Variants in NSD1 observed in about 807,000 individuals in gnomAD.
The protein encoded by NSD1 is nuclear receptor binding SET domain protein 1, also known as histone-lysine N-methyltransferase, H3 lysine-36 specific.
In NSD1, 26 loss-of-function variants were observed where a neutral mutation model predicts 242.7. That is an observed-to-expected ratio of 0.11 (90% CI 0.08 to 0.15). The LOEUF (loss-of-function observed/expected upper bound fraction) is 0.15, where lower values mean the gene tolerates loss of function less well. Ranked by LOEUF, NSD1 falls within the 10% of genes least tolerant of loss-of-function variation. The pLI is 1.00. For missense variants in NSD1, 2,495 were observed against 3,272.8 expected, an observed-to-expected ratio of 0.76 and a Z score of 5.80; for synonymous variants, 1,106 against 1,178.1, an observed-to-expected ratio of 0.94 and a Z score of 1.25.
Position 177,247,201 on chromosome 5 carries a change from G to A in NSD1, c.4497+405G>A, listed in dbSNP as rs563075572. ...TCCCAACACTTTGGGAGGCCGAGGC[G>A]GGAAGATAACTTGAGGTTGAGAGTT... is the stretch of plus-strand genomic sequence containing the variant. On this transcript the variant is annotated intron_variant, in intron 10 of 22. Transcript: ENST00000439151. Among the ~76,000 whole-genome samples the A allele has an allele frequency of 4.6e-5, 7 of 152,312 alleles. No homozygotes were observed. The South Asian group carries it at 8.3e-4, about 18-fold the overall frequency.
chr5:177,243,767 A>G (rs1490503280), intron 8 of NSD1, among the ~76,000 whole-genome samples: 2 of 151,942 alleles, frequency 1.3e-5, no homozygotes, highest in African/African-American at 2.4e-5. Context: ...ATCTTGGCTC[A>G]CTGCAACCTC....
intron 2 of NSD1, among the ~76,000 whole-genome samples, chr5:177,162,512 C>G (rs1052441180): frequency 1.7e-4 from 26 of 152,060 alleles, no homozygotes; most frequent in Non-Finnish European, 4.4e-5. Flanking sequence ...CCTCTCACCT[C>G]TGCCTCATGA....
intron 5 of NSD1, among the ~76,000 whole-genome samples, chr5:177,226,331 G>A (rs1028596103): frequency 3.3e-5 from 5 of 152,130 alleles, no homozygotes; most frequent in Non-Finnish European, 5.9e-5. Flanking sequence ...CACCGGGCCC[G>A]GCCAGTAGTG....
intron 2 of NSD1, among the ~76,000 whole-genome samples, chr5:177,185,708 A>G (rs1469406857): frequency 8.9e-6 from 1 of 112,234 alleles, no homozygotes; most frequent in Non-Finnish European, 1.7e-5. Context: ...TATAATATAT[A>G]TACATTATAT....
At chr5:177,257,832 AT>A (rs758994929) in intron 13 of NSD1, among the ~76,000 whole-genome samples, 7,197 of 146,936 alleles carry the variant, frequency 0.049, 192 homozygotes, top group South Asian at 0.083. Context: ...ATTTTATTTT[AT>A]TTTATTTTAT....
intron 16 of NSD1, among the ~76,000 whole-genome samples, chr5:177,273,161 A>G (rs1758077274): frequency 6.6e-6 from 1 of 152,198 alleles, no homozygotes; most frequent in African/African-American, 2.4e-5. Flanking sequence ...AGGAGATGGC[A>G]TCTGTGGGCT....
Position 177,173,719 on chromosome 5 carries a change from G to A in NSD1, c.928-18165G>A, listed in dbSNP as rs113942239. 7.7e-3 allele frequency among the ~76,000 whole-genome samples: 1,165 copies of A among 152,048 alleles called. 7 individuals carry two copies. Among genetic ancestry groups the A allele is most frequent in the Non-Finnish European group, 0.011 (775 of 67,978 alleles). On this transcript the variant is annotated intron_variant, in intron 2 of 22. Transcript: ENST00000439151. ...AACTTTTGACCTAACATATCTGCCC[G>A]CCTGGGCCTCCCAAAGTGCCGGGAT...
chr5:177,174,423 G>A (rs1425613056), intron 2 of NSD1, among the ~76,000 whole-genome samples: 1 of 152,088 alleles, frequency 6.6e-6, no homozygotes, highest in African/African-American at 2.4e-5. Context: ...ATGTTGGCCA[G>A]GCTGGTCTCG....
intron 3 of NSD1, among the ~76,000 whole-genome samples, chr5:177,194,476 C>A (rs776062657): frequency 7.6e-4 from 112 of 147,742 alleles, no homozygotes; most frequent in Non-Finnish European, 1.3e-3. Context: ...GATAGTGTCT[C>A]CATATATTAC....
chr5:177,205,001 T>C (rs1044091013), intron 4 of NSD1, among the ~76,000 whole-genome samples: 2 of 152,200 alleles, frequency 1.3e-5, no homozygotes, highest in Non-Finnish European at 2.9e-5. Context: ...GGACTAATTA[T>C]TTCTGTTAAT....
At position 177,210,679 on chromosome 5, in the gene NSD1, C is replaced by T. The variant is rs767673668; in HGVS notation, c.2280C>T (p.Ser760=). ...CTCCAAAATTCAACCTGTCATCAAG[C>T]ATATCCAGTGAGAACTCGTTAATAA... ...ALSPKFNLSS[S]ISSENSLIKG... Residue 760 remains serine (S), a synonymous_variant, in exon 5 of 23, where the codon AGC becomes AGT. Transcript: ENST00000439151. The T allele has an allele frequency of 1.2e-6, 2 of 1,614,184 alleles. No individual in the cohort carries two copies. The highest frequency in any genetic ancestry group is 1.7e-6 in the Non-Finnish European group (2 of 1,180,036).
At chr5:177,181,948 C>G (rs897612268) in intron 2 of NSD1, among the ~76,000 whole-genome samples, 1 of 151,666 alleles carries the variant, frequency 6.6e-6, no homozygotes, top group African/African-American at 2.4e-5. Context: ...GTCAGGAGAT[C>G]GAGACCATCC....
chr5:177,253,821 G>A (rs1387339789), intron 12 of NSD1, among the ~76,000 whole-genome samples: 2 of 152,008 alleles, frequency 1.3e-5, no homozygotes, highest in African/African-American at 4.8e-5. Flanking sequence ...TTTTTGTAGA[G>A]ACAGGATTTT....
intron 2 of NSD1, among the ~76,000 whole-genome samples, chr5:177,148,874 A>G (rs958027618): frequency 6.6e-6 from 1 of 152,220 alleles, no homozygotes; most frequent in Non-Finnish European, 1.5e-5. Context: ...GCTGAAGTGC[A>G]GTGGCACGAT....
rs115167789 is a variant in NSD1, at chr5:177,253,192, C to T, written c.4765+1339C>T. Among the ~76,000 whole-genome samples the T allele has an allele frequency of 5.5e-3, 836 of 152,076 alleles. 6 individuals are homozygous for T. The highest frequency in any genetic ancestry group is 0.018 in the African/African-American group (761 of 41,458). On this transcript the variant is annotated intron_variant, in intron 12 of 22. Transcript: ENST00000439151. ...CTAGATTGAAGGGTGAGTGGATAGC[C>T]GTATACATAACTTCTTGAAGAAACT...
At chr5:177,156,793 G>T (rs1758173551) in intron 2 of NSD1, among the ~76,000 whole-genome samples, 1 of 152,110 alleles carries the variant, frequency 6.6e-6, no homozygotes, top group Admixed American at 6.6e-5. Context: ...AGCACTTTGG[G>T]AGGCTGGGGC....
At chr5:177,159,888 C>T (rs960589655) in intron 2 of NSD1, among the ~76,000 whole-genome samples, 1 of 149,836 alleles carries the variant, frequency 6.7e-6, no homozygotes, top group Admixed American at 6.7e-5. Flanking sequence ...TGCACCCGGC[C>T]GAATATATTT....
intron 2 of NSD1, among the ~76,000 whole-genome samples, chr5:177,149,576 G>C (rs1562118449): frequency 6.6e-6 from 1 of 152,108 alleles, no homozygotes; most frequent in Non-Finnish European, 1.5e-5. Flanking sequence ...TGGCACCAGG[G>C]ACCAAATTCC....
intron 2 of NSD1, among the ~76,000 whole-genome samples, chr5:177,160,982 T>C (rs959543402): frequency 9.9e-5 from 15 of 152,096 alleles, no homozygotes; most frequent in Admixed American, 8.5e-4. Flanking sequence ...TTGGCCAGGC[T>C]AGTCTCAACT....
Sources: allele counts gnomAD v4.1 joint callset (sites outside exome capture counted in the v4.1 genomes callset), GRCh38; gene constraint gnomAD v4.1.1; transcripts MANE v1.5; gene names NCBI Gene and HGNC (gene_info 2026-07-23, HGNC 2026-07-21).